The following ADGRG3 variants were observed in gnomAD, a reference collection of about 807,000 sequenced individuals.
ADGRG3 encodes G protein-coupled receptor 97.
ADGRG3 carries 39 observed loss-of-function variants against 54.3 expected under a neutral mutation model. That is an observed-to-expected ratio of 0.72 (90% CI 0.56 to 0.94). The LOEUF (loss-of-function observed/expected upper bound fraction) is 0.94. ADGRG3 is among the 40% of genes least tolerant of loss of function. The pLI is 0.00. For synonymous variants in ADGRG3, 312 were observed against 290.0 expected, an observed-to-expected ratio of 1.08 and a Z score of -0.77; for missense variants, 654 against 694.6, an observed-to-expected ratio of 0.94 and a Z score of 0.66.
rs2048525800 is a variant in ADGRG3, at chr16:57,689,226, G to A, written c.*765G>A. The stretch of plus-strand genomic sequence containing the variant: ...ACCTGGGGGTGCTCCCACTCATTCA[G>A]TGTGTGGGGCCCCTGAGCAGAGGCT... On this transcript the variant is annotated 3_prime_UTR_variant, in exon 12 of 12. Coordinates refer to ENST00000333493, the MANE Select transcript of ADGRG3 (RefSeq NM_170776.5). 6.5e-6 allele frequency: 1 copy of A among 154,120 alleles called. No homozygotes were observed. Among genetic ancestry groups the A allele is most frequent in the South Asian group, 2.0e-4 (1 of 5,042 alleles). The allele number at this position is 154,120 out of a possible 1,614,324, so 9.5% of individuals were successfully genotyped here.
intron 6 of ADGRG3, 32 bp downstream of exon 6, chr16:57,679,887 A>T: frequency 1.3e-6 from 2 of 1,559,932 alleles, no homozygotes; most frequent in Non-Finnish European, 1.8e-6. Flanking sequence ...CTGGGGTAAG[A>T]CAGGAAGGGA....
intron 9 of ADGRG3, 45 bp downstream of exon 9, chr16:57,684,257 G>T: frequency 3.8e-6 from 6 of 1,591,776 alleles, no homozygotes; most frequent in Non-Finnish European, 4.3e-6. Flanking sequence ...GGCCCTGAGG[G>T]TGCAGAGGGA....
At chr16:57,666,397 G>T (rs776435453), upstream of ADGRG3, among the ~76,000 whole-genome samples, 2 of 152,216 alleles carry the variant, frequency 1.3e-5, no homozygotes, top group Non-Finnish European at 2.9e-5. Flanking sequence ...CTTTTACCCC[G>T]ATGGTTATTA....
chr16:57,676,249 A>T lies in ADGRG3; in HGVS notation c.256A>T (p.Lys86Ter). 6.2e-7 allele frequency: 1 copy of T among 1,614,136 alleles called. No homozygotes were observed. Among genetic ancestry groups the T allele is most frequent in the South Asian group, 1.1e-5 (1 of 91,084 alleles). The change falls in exon 3 of 12, where the codon AAG becomes TAG. Residue 86 changes from lysine (K) to a stop codon, truncating the protein, a stop_gained. Transcript: ENST00000333493. LOFTEE classifies it high-confidence loss of function. ...AHLMKEGLTQ[K>*]VNTPFLKALV... is the part of the protein sequence containing the mutation. Reference sequence around the variant, plus strand: ...TCTGATGAAGGAAGGTTTGACGCAGAAGGTGAACACGCCTTTCCTGAAGGC... The same window carrying T: ...TCTGATGAAGGAAGGTTTGACGCAGTAGGTGAACACGCCTTTCCTGAAGGC...
intron 8 of ADGRG3, among the ~76,000 whole-genome samples, chr16:57,682,027 G>A (rs1489837553): frequency 1.3e-5 from 2 of 152,272 alleles, no homozygotes; most frequent in African/African-American, 4.8e-5. Flanking sequence ...GGAATACACA[G>A]ATTGGCCGGC....
At chr16:57,684,243 G>T in intron 9 of ADGRG3, 31 bp downstream of exon 9, 4 of 1,599,160 alleles carry the variant, frequency 2.5e-6, no homozygotes, top group Non-Finnish European at 3.4e-6. Context: ...CAGAATAAAC[G>T]GCCGGCCCTG....
At chr16:57,686,048 T>TC in intron 11 of ADGRG3, 122 bp downstream of exon 11, 2 of 1,018,190 alleles carry the variant, frequency 2.0e-6, no homozygotes, top group Non-Finnish European at 2.9e-6. Flanking sequence ...AAGTCAAGGA[T>TC]GTTGATTTCA....
chr16:57,680,989 G>A (rs984601427), intron 8 of ADGRG3: 15 of 236,022 alleles, frequency 6.4e-5, no homozygotes, highest in African/African-American at 8.9e-5. Context: ...AGCTTTGCTC[G>A]CCCCTTGACA....
chr16:57,684,239 A>G, intron 9 of ADGRG3, 27 bp downstream of exon 9: 1 of 1,602,040 alleles, frequency 6.2e-7, no homozygotes, highest in African/African-American at 1.3e-5. Context: ...TGGACAGAAT[A>G]AACGGCCGGC....
rs59726376 is a variant in ADGRG3, at chr16:57,676,157, G to A, written c.207-43G>A. On this transcript the variant is annotated intron_variant, in intron 2 of 11. Transcript: ENST00000333493. ...AGGAGCCTGATGAGTGAGTAACTCA[G>A]CCTGCAGGATCCTACCCTCCCCCCA... The A allele has an allele frequency of 4.9e-3, 7,865 of 1,595,724 alleles. 263 individuals carry two copies. The African/African-American group carries it at 0.084, about 17-fold the overall frequency.
chr16:57,680,563 G>C lies in ADGRG3; in HGVS notation c.827G>C (p.Cys276Ser), dbSNP rs1393337253. ...HILTRISQAGCGVSMIFLAFT... is the reference protein window; with the variant it reads ...HILTRISQAGSGVSMIFLAFT... The stretch of plus-strand genomic sequence containing the variant: ...CTCACACGCATCTCCCAGGCGGGCT[G>C]TGGGGTCTCCATGATCTTCCTGGCC... Residue 276 changes from cysteine (C) to serine (S), a missense_variant, in exon 8 of 12, where the codon TGT becomes TCT. Physicochemically the swap from Cys to Ser is moderately radical, Grantham distance 112 (BLOSUM62 -1). Coordinates refer to ENST00000333493, the MANE Select transcript of ADGRG3 (RefSeq NM_170776.5). 1 of 1,614,046 alleles carries C rather than the reference G, an allele frequency of 6.2e-7. No individual in the cohort carries two copies. Among genetic ancestry groups the C allele is most frequent in the South Asian group, 1.1e-5 (1 of 91,072 alleles).
intron 1 of ADGRG3, among the ~76,000 whole-genome samples, chr16:57,672,823 G>A (rs1206404392): frequency 6.6e-6 from 1 of 152,166 alleles, no homozygotes; most frequent in African/African-American, 2.4e-5. Context: ...GTGCTTCTTA[G>A]CACAGGTGTG....
chr16:57,688,139 T>C (rs1183973764), intron 11 of ADGRG3, among the ~76,000 whole-genome samples: 2 of 152,228 alleles, frequency 1.3e-5, no homozygotes, highest in African/African-American at 2.4e-5. Flanking sequence ...AGATATTTTA[T>C]TTGAAGGTCT....
chr16:57,675,015 C>CAAA (rs1597759255), intron 2 of ADGRG3, among the ~76,000 whole-genome samples: 12 of 51,728 alleles, frequency 2.3e-4, no homozygotes, highest in Admixed American at 1.8e-3. Flanking sequence ...AAAAAAAAAG[C>CAAA]AGCAGCAGCA....
At chr16:57,668,538 C>A in intron 1 of ADGRG3, 133 bp downstream of exon 1, 2 of 804,418 alleles carry the variant, frequency 2.5e-6, no homozygotes, top group Non-Finnish European at 4.0e-6. Flanking sequence ...CCTCCGATAC[C>A]CCCCGTGGCC....
rs774804480 is a variant in ADGRG3 at position 57,685,951 on chromosome 16, G to A, written c.1540+25G>A. Reference sequence around the variant, plus strand: ...GGTGAGGCCCCTGCACCAGGGAGGTGATGGGCTGTGTTGTCTGTCCCAGGA... The same window carrying A: ...GGTGAGGCCCCTGCACCAGGGAGGTAATGGGCTGTGTTGTCTGTCCCAGGA... On this transcript the variant is annotated intron_variant, in intron 11 of 11. Transcript: ENST00000333493. 14 of 1,609,454 alleles carry A rather than the reference G, an allele frequency of 8.7e-6. 1 individual carries two copies.
At chr16:57,673,490 G>C (rs2048200079) in intron 2 of ADGRG3, 22 bp downstream of exon 2, 2 of 1,586,616 alleles carry the variant, frequency 1.3e-6, no homozygotes, top group East Asian at 4.5e-5. Context: ...CCCTGAGCTG[G>C]AGGGGGAATC....
intron 1 of ADGRG3, among the ~76,000 whole-genome samples, chr16:57,671,153 T>A (rs1007412251): frequency 2.0e-5 from 3 of 152,100 alleles, no homozygotes; most frequent in Admixed American, 1.3e-4. Flanking sequence ...TAAGATTCAA[T>A]GTCATCCCTC....
intron 5 of ADGRG3, 83 bp from the exon 6 acceptor site, chr16:57,679,733 G>GACACTA (rs2048329147): frequency 9.3e-7 from 1 of 1,070,944 alleles, no homozygotes; most frequent in Admixed American, 1.7e-5. Flanking sequence ...TAGGACTCGG[G>GACACTA]GGAGCACACC....
Sources: gnomAD v4.1 joint callset for allele counts (sites outside exome capture counted in the v4.1 genomes callset) on GRCh38, gnomAD v4.1.1 for gene constraint, MANE v1.5 for transcripts, NCBI Gene and HGNC (gene_info 2026-07-23, HGNC 2026-07-21) for gene names.